Variants in MAMDC2 observed in about 807,000 individuals in gnomAD.
MAMDC2 encodes the protein MAM domain-containing protein 2.
In MAMDC2, 57 loss-of-function variants were observed where a neutral mutation model predicts 89.8. That is an observed-to-expected ratio of 0.63 (90% CI 0.51 to 0.79). The LOEUF (loss-of-function observed/expected upper bound fraction) is 0.79, where lower values mean the gene tolerates loss of function less well. Among genes scored for constraint, MAMDC2 ranks in the 30% least tolerant of loss-of-function variants. MAMDC2 has a pLI of 0.00. For missense variants in MAMDC2, 800 were observed against 820.6 expected (o/e 0.97, Z 0.31); for synonymous variants, 313 against 293.4 (o/e 1.07, Z -0.68).
At chr9:70,097,814 C>T (rs1161281414) in intron 2 of MAMDC2, among the ~76,000 whole-genome samples, 1 of 152,096 alleles carries the variant, frequency 6.6e-6, no homozygotes, top group Non-Finnish European at 1.5e-5. Flanking sequence ...TCCTCTTATC[C>T]ATGGAAACTA....
intron 5 of MAMDC2, among the ~76,000 whole-genome samples, chr9:70,123,431 A>G (rs1312522947): frequency 6.6e-6 from 1 of 152,162 alleles, no homozygotes; most frequent in African/African-American, 2.4e-5. Flanking sequence ...CCAGTCTGTC[A>G]TTCCGATTCT....
chr9:70,226,076 C>A lies in MAMDC2; in HGVS notation c.*44C>A. On this transcript the variant is annotated 3_prime_UTR_variant, in exon 14 of 14. Transcript: ENST00000377182. ...TTTACTAGACGAAAACCATACCTCTCTTCAATCAAAATGAAAACAAAGCAA... is the reference window on the plus strand; with the variant it reads ...TTTACTAGACGAAAACCATACCTCTATTCAATCAAAATGAAAACAAAGCAA... The A allele has an allele frequency of 8.8e-7, 1 of 1,131,376 alleles. No homozygotes were observed. Among genetic ancestry groups the A allele is most frequent in the Non-Finnish European group, 1.3e-6 (1 of 781,900 alleles). The allele number at this position is 1,131,376 out of a possible 1,614,324, so 70.1% of individuals were successfully genotyped here.
chr9:70,190,924 G>A, intron 11 of MAMDC2, among the ~76,000 whole-genome samples: 1 of 152,122 alleles, frequency 6.6e-6, no homozygotes, highest in East Asian at 1.9e-4. Flanking sequence ...CTTTTAGGGA[G>A]CTCCAAATCT....
At chr9:70,046,300 A>G (rs1826750126) in intron 2 of MAMDC2, among the ~76,000 whole-genome samples, 1 of 152,062 alleles carries the variant, frequency 6.6e-6, no homozygotes, top group South Asian at 2.1e-4. Context: ...GTCTGTGTAC[A>G]CACACACACA....
chr9:70,070,801 A>C (rs1409492714), intron 2 of MAMDC2, among the ~76,000 whole-genome samples: 6 of 152,140 alleles, frequency 3.9e-5, no homozygotes, highest in Non-Finnish European at 8.8e-5. Context: ...CTATTTTCCT[A>C]CATATATTCT....
At chr9:70,190,016 T>G (rs548381494) in intron 11 of MAMDC2, among the ~76,000 whole-genome samples, 1 of 152,310 alleles carries the variant, frequency 6.6e-6, no homozygotes, top group South Asian at 2.1e-4. Flanking sequence ...GAAATGGCTT[T>G]CATTAATTCT....
intron 2 of MAMDC2, among the ~76,000 whole-genome samples, chr9:70,053,770 G>A (rs192774171): frequency 9.2e-5 from 14 of 152,272 alleles, no homozygotes; most frequent in African/African-American, 3.1e-4. Flanking sequence ...TGCTGGACCT[G>A]CCTGTTCATT....
rs372622933 is a variant in MAMDC2 at position 70,226,061 on chromosome 9, G to A, written c.*29G>A. 6.2e-6 allele frequency: 8 copies of A among 1,280,522 alleles called. No individual in the cohort carries two copies. Among genetic ancestry groups the A allele is most frequent in the Middle Eastern group, 2.7e-4 (1 of 3,654 alleles). 79.3% of individuals were successfully genotyped at this position (1,280,522 alleles called of 1,614,324 possible). A position where few individuals can be genotyped will look rare whatever the true frequency, so the allele number is the denominator to read the frequency against. On this transcript the variant is annotated 3_prime_UTR_variant, in exon 14 of 14. Coordinates refer to ENST00000377182, the MANE Select transcript of MAMDC2 (RefSeq NM_153267.5). ...ATGATCTGCATTGGATTTACTAGACGAAAACCATACCTCTCTTCAATCAAA... is the reference window on the plus strand; with the variant it reads ...ATGATCTGCATTGGATTTACTAGACAAAAACCATACCTCTCTTCAATCAAA...
intron 9 of MAMDC2, among the ~76,000 whole-genome samples, chr9:70,149,877 T>G (rs991221497): frequency 6.6e-5 from 10 of 152,182 alleles, no homozygotes; most frequent in African/African-American, 2.4e-4. Context: ...AAACCAGGCA[T>G]GGTAGCCCAG....
intron 9 of MAMDC2, among the ~76,000 whole-genome samples, chr9:70,163,315 G>A (rs1042587405): frequency 1.4e-5 from 2 of 143,234 alleles, no homozygotes; most frequent in Non-Finnish European, 3.0e-5. Flanking sequence ...TGCAACCTTT[G>A]CCTCCTGGGT....
chr9:70,139,688 A>C (rs1038765181), intron 7 of MAMDC2, among the ~76,000 whole-genome samples: 11 of 152,182 alleles, frequency 7.2e-5, no homozygotes, highest in Non-Finnish European at 1.5e-4. Context: ...TCCCTGAGGA[A>C]TCGCCACACT....
At chr9:70,208,742 T>C (rs4282635) in intron 11 of MAMDC2, among the ~76,000 whole-genome samples, 129,761 of 151,580 alleles carry the variant, frequency 0.86, 55,782 homozygotes, top group East Asian at 0.96. Context: ...CCAGTTTTTG[T>C]CCATTCAGTA....
chr9:70,158,163 C>T (rs1361366620), intron 9 of MAMDC2, among the ~76,000 whole-genome samples: 1 of 152,018 alleles, frequency 6.6e-6, no homozygotes, highest in Non-Finnish European at 1.5e-5. Flanking sequence ...TCACTATTAC[C>T]CAGCTTGTCT....
intron 2 of MAMDC2, among the ~76,000 whole-genome samples, chr9:70,066,603 G>A (rs565177641): frequency 4.0e-4 from 61 of 152,282 alleles, no homozygotes; most frequent in African/African-American, 1.4e-3. Flanking sequence ...GTGTATGATG[G>A]TACAGGTTGT....
intron 11 of MAMDC2, chr9:70,172,871 G>T (rs1267898477): frequency 6.5e-6 from 1 of 152,804 alleles, no homozygotes. Flanking sequence ...GCTATCTCTG[G>T]AAAGATATCA....
At chr9:70,087,421 T>C (rs935435105) in intron 2 of MAMDC2, 6 of 152,148 alleles carry the variant, frequency 3.9e-5, no homozygotes, top group Admixed American at 2.6e-4. Context: ...ATGGACCTTC[T>C]TCATGGACTC....
chr9:70,218,274 ATGAAAGGAG>A, intron 11 of MAMDC2, 54 bp from the exon 12 acceptor site: 3 of 1,529,394 alleles, frequency 2.0e-6, no homozygotes, highest in Non-Finnish European at 2.7e-6. Context: ...AAAGAACATT[ATGAAAGGAG>A]AAAATGTAAT....
intron 11 of MAMDC2, among the ~76,000 whole-genome samples, chr9:70,186,810 T>A (rs896022915): frequency 3.3e-5 from 5 of 152,206 alleles, no homozygotes; most frequent in Admixed American, 6.5e-5. Flanking sequence ...AGAGCAGGCA[T>A]GTCAACATGG....
At chr9:70,124,573 C>T (rs183340093) in intron 5 of MAMDC2, among the ~76,000 whole-genome samples, 91 of 152,228 alleles carry the variant, frequency 6.0e-4, no homozygotes, top group African/African-American at 2.1e-3. Flanking sequence ...ATTAAATAAC[C>T]ATGTGTTGAG....
Sources: gnomAD v4.1 joint callset for allele counts (sites outside exome capture counted in the v4.1 genomes callset) on GRCh38, gnomAD v4.1.1 for gene constraint, MANE v1.5 for transcripts, NCBI Gene and HGNC (gene_info 2026-07-23, HGNC 2026-07-21) for gene names.